The following SPECC1 variants were observed in gnomAD, a reference collection of about 807,000 sequenced individuals.
SPECC1 encodes sperm antigen with calponin homology and coiled-coil domains 1, also known as cytospin-B.
SPECC1 carries 62 observed loss-of-function variants against 104.1 expected under a neutral mutation model. The observed-to-expected ratio is 0.60, with a 90% confidence interval of 0.49 to 0.74. SPECC1 has a LOEUF of 0.74. Ranked by LOEUF, SPECC1 falls within the 30% of genes least tolerant of loss-of-function variation. SPECC1 has a pLI of 0.00. For missense variants in SPECC1, 1,306 were observed against 1,310.5 expected, an observed-to-expected ratio of 1.00 and a Z score of 0.05; for synonymous variants, 513 against 501.6, an observed-to-expected ratio of 1.02 and a Z score of -0.30.
At chr17:20,135,152 G>A (rs901410381) in intron 3 of SPECC1, among the ~76,000 whole-genome samples, 6 of 152,176 alleles carry the variant, frequency 3.9e-5, no homozygotes, top group Admixed American at 3.3e-4. Context: ...ATGTTACTGA[G>A]TTTGCCATTG....
intron 3 of SPECC1, among the ~76,000 whole-genome samples, chr17:20,129,514 AT>A (rs1275611969): frequency 6.6e-6 from 1 of 151,132 alleles, no homozygotes; most frequent in Non-Finnish European, 1.5e-5. Context: ...TAGCTGTTGA[AT>A]TTTGTGAGTT....
intron 1 of SPECC1, among the ~76,000 whole-genome samples, chr17:20,091,505 A>T (rs951593774): frequency 1.3e-5 from 2 of 152,140 alleles, no homozygotes; most frequent in African/African-American, 4.8e-5. Flanking sequence ...GTCTAGCAGC[A>T]TCTCTGGGCT....
intron 1 of SPECC1, among the ~76,000 whole-genome samples, chr17:20,016,364 G>A (rs371316478): frequency 6.6e-5 from 10 of 152,194 alleles, no homozygotes; most frequent in East Asian, 3.9e-4. Flanking sequence ...CACTCTGGCC[G>A]CGCTTGAGGA....
intron 1 of SPECC1, among the ~76,000 whole-genome samples, chr17:20,045,668 C>CT (rs1035097641): frequency 6.6e-6 from 1 of 152,158 alleles, no homozygotes; most frequent in African/African-American, 2.4e-5. Context: ...CACAGAATGT[C>CT]TAAGTTGGTA....
chr17:20,164,694 C>G (rs903786321), intron 3 of SPECC1, among the ~76,000 whole-genome samples: 2 of 152,124 alleles, frequency 1.3e-5, no homozygotes, highest in African/African-American at 4.8e-5. Flanking sequence ...TTGCCCTTAC[C>G]CTTTATATAC....
chr17:20,157,367 C>T (rs2032685707), intron 3 of SPECC1, among the ~76,000 whole-genome samples: 1 of 151,958 alleles, frequency 6.6e-6, no homozygotes, highest in Non-Finnish European at 1.5e-5. Flanking sequence ...TTTCAGGGGC[C>T]AGCTTACTGC....
intron 1 of SPECC1, among the ~76,000 whole-genome samples, chr17:20,081,277 A>T (rs1050679902): frequency 1.3e-5 from 2 of 152,118 alleles, no homozygotes; most frequent in Admixed American, 1.3e-4. Flanking sequence ...CCTGGTGCCT[A>T]CTGCAGTGCC....
chr17:20,231,236 G>T (rs1464544054), intron 5 of SPECC1, among the ~76,000 whole-genome samples: 1 of 152,186 alleles, frequency 6.6e-6, no homozygotes, highest in Non-Finnish European at 1.5e-5. Context: ...TGGAGTGTGG[G>T]ACTAGAACAT....
chr17:20,076,094 G>C (rs1289782351), intron 1 of SPECC1, among the ~76,000 whole-genome samples: 3 of 152,186 alleles, frequency 2.0e-5, no homozygotes, highest in Non-Finnish European at 4.4e-5. Flanking sequence ...TTCATTCTGA[G>C]TGACAGAGTA....
At chr17:20,071,384 TTGTG>T (rs55761614) in intron 1 of SPECC1, among the ~76,000 whole-genome samples, 42,542 of 151,262 alleles carry the variant, frequency 0.28, 6,361 homozygotes, top group Middle Eastern at 0.41. Flanking sequence ...TTGTGTGTGT[TTGTG>T]TGTGTGTGTG....
chr17:20,039,191 A>G (rs2045221649), intron 1 of SPECC1, among the ~76,000 whole-genome samples: 1 of 152,228 alleles, frequency 6.6e-6, no homozygotes, highest in Non-Finnish European at 1.5e-5. Flanking sequence ...GTCTAAGGAT[A>G]TGTTCAGTGA....
At chr17:20,236,782 T>C in intron 7 of SPECC1, 1 of 1,581,436 alleles carries the variant, frequency 6.3e-7, no homozygotes, top group South Asian at 1.1e-5. Flanking sequence ...AGCTGGAAAT[T>C]CTTGCGTTTG....
At chr17:20,221,288 C>T (rs1195397712) in intron 4 of SPECC1, among the ~76,000 whole-genome samples, 2 of 152,040 alleles carry the variant, frequency 1.3e-5, no homozygotes, top group East Asian at 1.9e-4. Flanking sequence ...ACCATTGGGT[C>T]CTGGGCATTT....
chr17:20,088,313 TTC>T (rs2047257846), intron 1 of SPECC1, among the ~76,000 whole-genome samples: 1 of 152,110 alleles, frequency 6.6e-6, no homozygotes, highest in Non-Finnish European at 1.5e-5. Context: ...AAGTGGACAG[TTC>T]ATGATTTGTG....
intron 1 of SPECC1, among the ~76,000 whole-genome samples, chr17:20,032,867 T>C (rs923778728): frequency 1.3e-5 from 2 of 152,088 alleles, no homozygotes; most frequent in African/African-American, 4.8e-5. Flanking sequence ...TTGTTTCTTT[T>C]CATGCTTCAT....
intron 1 of SPECC1, among the ~76,000 whole-genome samples, chr17:20,058,879 G>T (rs370706259): frequency 3.2e-5 from 4 of 126,792 alleles, no homozygotes; most frequent in South Asian, 2.5e-4. Context: ...TCGCTCTGTC[G>T]CCCAGGCTGG....
chr17:20,112,300 A>T, intron 3 of SPECC1: 1 of 760,130 alleles, frequency 1.3e-6, no homozygotes, highest in Non-Finnish European at 2.5e-6. Context: ...CTTATTGTAC[A>T]TGATGGCATT....
chr17:20,203,504 G>A (rs928813622), intron 3 of SPECC1, among the ~76,000 whole-genome samples: 1 of 152,142 alleles, frequency 6.6e-6, no homozygotes, highest in African/African-American at 2.4e-5. Flanking sequence ...AGTAACATAG[G>A]TATGTTCTTA....
chr17:20,071,136 A>G (rs2046536538), intron 1 of SPECC1, among the ~76,000 whole-genome samples: 1 of 152,038 alleles, frequency 6.6e-6, no homozygotes, highest in African/African-American at 2.4e-5. Context: ...GGCTCAAGCA[A>G]TCCTCCCTCC....
Sources: allele counts gnomAD v4.1 joint callset (sites outside exome capture counted in the v4.1 genomes callset), GRCh38; gene constraint gnomAD v4.1.1; transcripts MANE v1.5; gene names NCBI Gene and HGNC (gene_info 2026-07-23, HGNC 2026-07-21).